Variants in MYO10 observed in about 807,000 individuals in gnomAD.
MYO10 encodes myosin X.
In MYO10, 133 loss-of-function variants were observed where a neutral mutation model predicts 257.3. The ratio of observed to expected loss-of-function variants is 0.52; its 90% CI spans 0.45 to 0.60. The LOEUF (loss-of-function observed/expected upper bound fraction) is 0.60. Among genes scored for constraint, MYO10 ranks in the 20% least tolerant of loss-of-function variants. The pLI, the probability that MYO10 is intolerant of heterozygous loss-of-function variation, is 0.00. For missense variants in MYO10, 2,399 were observed against 2,635.7 expected (o/e 0.91, Z 1.97); for synonymous variants, 1,104 against 1,028.6 (o/e 1.07, Z -1.40).
chr5:16,692,480 G>C (rs1480661122), intron 27 of MYO10, among the ~76,000 whole-genome samples: 1 of 152,106 alleles, frequency 6.6e-6, no homozygotes, highest in African/African-American at 2.4e-5. Flanking sequence ...CAATGACTGG[G>C]AGTTTGGATA....
At chr5:16,909,438 G>A (rs191073554) in intron 1 of MYO10, among the ~76,000 whole-genome samples, 5 of 150,680 alleles carry the variant, frequency 3.3e-5, no homozygotes, top group East Asian at 3.9e-4. Flanking sequence ...CCCAGGAGAC[G>A]GAAGTTGCAG....
chr5:16,732,327 C>T (rs1454779562), intron 19 of MYO10, among the ~76,000 whole-genome samples: 3 of 152,138 alleles, frequency 2.0e-5, no homozygotes, highest in Admixed American at 6.6e-5. Flanking sequence ...GAAGGTTCAA[C>T]CCTTTGCACA....
intron 19 of MYO10, among the ~76,000 whole-genome samples, chr5:16,722,831 G>A (rs1465943271): frequency 6.6e-6 from 1 of 152,094 alleles, no homozygotes; most frequent in Non-Finnish European, 1.5e-5. Context: ...TAGATGTGTA[G>A]GATTTCATTA....
chr5:16,701,828 G>A lies in MYO10; in HGVS notation c.2567C>T (p.Thr856Met), dbSNP rs561148130. The stretch of plus-strand genomic sequence containing the variant: ...GGCTTCGAGTTCTTGCTGCTTCCTC[G>A]TTTCTTCTTCCTGGACAGAAGCAGA... The part of the protein sequence containing the change: ...AELRAQQEEE[T>M]RKQQELEALQ... Residue 856 changes from threonine to methionine, a missense_variant, in exon 25 of 41, where the codon ACG (threonine) becomes ATG (methionine). This residue lies in a region of MYO10 where 1,820 missense variants were observed against 1,939.4 expected (regional missense o/e 0.94). Transcript: ENST00000513610. This position sits in a 1 kb window ranked among gnomAD's most constrained non-coding sequence, Gnocchi z 8.1. The A allele has an allele frequency of 7.5e-5, 120 of 1,601,930 alleles. 1 individual carries two copies. The East Asian group carries it at 1.6e-3, about 22-fold the overall frequency.
intron 39 of MYO10, among the ~76,000 whole-genome samples, chr5:16,668,996 C>G (rs1043275752): frequency 3.9e-5 from 6 of 152,134 alleles, no homozygotes; most frequent in African/African-American, 1.4e-4. Flanking sequence ...CTTCCATATG[C>G]AGAGTGGGAA....
At chr5:16,691,710 A>T (rs2126524629) in intron 27 of MYO10, among the ~76,000 whole-genome samples, 1 of 152,190 alleles carries the variant, frequency 6.6e-6, no homozygotes, top group South Asian at 2.1e-4. Context: ...AAAAAAAAAA[A>T]AAAAATCAAG....
intron 36 of MYO10, among the ~76,000 whole-genome samples, chr5:16,673,307 ATG>A (rs1227346142): frequency 6.6e-6 from 1 of 151,704 alleles, no homozygotes; most frequent in Admixed American, 6.6e-5. Context: ...TAAAAAGAAA[ATG>A]TGTTCATCTG....
In MYO10 at chr5:16,878,968, C is replaced by G. The variant is rs144879148; in HGVS notation, c.22-1261G>C. Among the ~76,000 whole-genome samples, 414 of 148,336 alleles carry G rather than the reference C, an allele frequency of 2.8e-3. 4 individuals are homozygous for G. Among genetic ancestry groups the G allele is most frequent in the African/African-American group, 9.9e-3 (399 of 40,276 alleles). Reference sequence around the variant, plus strand: ...TGTAACTAAACACCACCTGTCCCCCCAAAAACTAATGAAATTTAAAAAAAA... The same window carrying G: ...TGTAACTAAACACCACCTGTCCCCCGAAAAACTAATGAAATTTAAAAAAAA... On this transcript the variant is annotated intron_variant, in intron 1 of 40. Transcript: ENST00000513610.
chr5:16,823,787 G>C (rs535867226), intron 2 of MYO10, among the ~76,000 whole-genome samples: 60 of 150,500 alleles, frequency 4.0e-4, no homozygotes, highest in Non-Finnish European at 6.7e-4. Flanking sequence ...CGGGGGGCGG[G>C]GGGCGGTTAT....
intron 26 of MYO10, among the ~76,000 whole-genome samples, chr5:16,698,424 A>G (rs929085227): frequency 6.6e-6 from 1 of 152,008 alleles, no homozygotes; most frequent in Non-Finnish European, 1.5e-5. Context: ...AGTGTGCCTC[A>G]AGGCCCCTAA....
chr5:16,795,916 G>A (rs934323055), intron 3 of MYO10, among the ~76,000 whole-genome samples: 7 of 152,064 alleles, frequency 4.6e-5, no homozygotes, highest in African/African-American at 9.7e-5. Context: ...CAGACCGAGC[G>A]CAGTGGCTCA....
chr5:16,759,943 T>C (rs1740654152), intron 17 of MYO10, among the ~76,000 whole-genome samples: 1 of 152,102 alleles, frequency 6.6e-6, no homozygotes, highest in Non-Finnish European at 1.5e-5. Context: ...TGGGCTCCCT[T>C]TGTCCCAATT....
At chr5:16,807,478 T>C (rs1434264616) in intron 3 of MYO10, among the ~76,000 whole-genome samples, 1 of 152,092 alleles carries the variant, frequency 6.6e-6, no homozygotes, top group East Asian at 1.9e-4. Context: ...TCCACCACCC[T>C]GTGACCAAGT....
chr5:16,735,365 C>T (rs1221186614), intron 19 of MYO10, among the ~76,000 whole-genome samples: 4 of 152,032 alleles, frequency 2.6e-5, no homozygotes, highest in Non-Finnish European at 4.4e-5. Flanking sequence ...GTGATTTACA[C>T]GAGAAAACCG....
At chr5:16,730,757 C>A (rs1345334967) in intron 19 of MYO10, among the ~76,000 whole-genome samples, 3 of 152,208 alleles carry the variant, frequency 2.0e-5, no homozygotes, top group Non-Finnish European at 4.4e-5. Flanking sequence ...AATGCCTAGA[C>A]AACCTGAGAT....
chr5:16,900,951 G>A (rs531701438), intron 1 of MYO10, among the ~76,000 whole-genome samples: 3 of 152,148 alleles, frequency 2.0e-5, no homozygotes, highest in African/African-American at 4.8e-5. Context: ...TGTTGGCCAG[G>A]CTGGTCTCAA....
At chr5:16,739,522 C>A (rs1240209056) in intron 19 of MYO10, among the ~76,000 whole-genome samples, 2 of 152,034 alleles carry the variant, frequency 1.3e-5, no homozygotes, top group East Asian at 3.9e-4. Context: ...TTCTGATTGG[C>A]AAATACACTT....
At chr5:16,708,497 G>C (rs1462134680) in intron 21 of MYO10, among the ~76,000 whole-genome samples, 1 of 152,196 alleles carries the variant, frequency 6.6e-6, no homozygotes, top group African/African-American at 2.4e-5. Context: ...GCTGGGTTGA[G>C]TTTTAATGAT....
chr5:16,857,880 GCTC>G (rs1198350547), intron 2 of MYO10, among the ~76,000 whole-genome samples: 3 of 152,200 alleles, frequency 2.0e-5, no homozygotes, highest in Admixed American at 2.0e-4. Context: ...TCATTAAGTA[GCTC>G]CTCAAGTCAT....
Sources: gnomAD v4.1 joint callset for allele counts (sites outside exome capture counted in the v4.1 genomes callset) on GRCh38, gnomAD v4.1.1 for gene constraint, gnomAD v4.1.1 regional missense constraint, Gnocchi (gnomAD v3.1) non-coding constraint, MANE v1.5 for transcripts, NCBI Gene and HGNC (gene_info 2026-07-23, HGNC 2026-07-21) for gene names.